Variants in ATP10D observed in about 807,000 individuals in gnomAD.
The protein encoded by ATP10D is ATPase phospholipid transporting 10D (putative), also known as phospholipid-transporting ATPase VD.
ATP10D carries 89 observed loss-of-function variants against 144.8 expected under a neutral mutation model. That is an observed-to-expected ratio of 0.61 (90% confidence interval 0.52 to 0.73). The LOEUF is 0.73. ATP10D is among the 30% of genes least tolerant of loss of function. The pLI, the probability that ATP10D is intolerant of heterozygous loss-of-function variation, is 0.00. For missense variants in ATP10D, 1,603 were observed against 1,714.8 expected, an observed-to-expected ratio of 0.93 and a Z score of 1.15; for synonymous variants, 571 against 615.1, an observed-to-expected ratio of 0.93 and a Z score of 1.06.
chr4:47,493,182 A>C (rs772204600), intron 1 of ATP10D, among the ~76,000 whole-genome samples: 14 of 152,220 alleles, frequency 9.2e-5, no homozygotes, highest in Admixed American at 2.0e-4. Flanking sequence ...TAAGAAAAGT[A>C]GTTTCACTGA....
intron 4 of ATP10D, 51 bp downstream of exon 4, chr4:47,523,267 A>C: frequency 7.0e-7 from 1 of 1,420,060 alleles, no homozygotes; most frequent in Non-Finnish European, 9.9e-7. Flanking sequence ...TTTTCAGAAG[A>C]TGACTGAGCT....
chr4:47,495,754 T>G (rs10005253), intron 1 of ATP10D, among the ~76,000 whole-genome samples: 33,801 of 149,734 alleles, frequency 0.23, 3,687 homozygotes, highest in East Asian at 0.48. Flanking sequence ...TTTTTTTTTT[T>G]GAAATGCAGT....
intron 1 of ATP10D, among the ~76,000 whole-genome samples, chr4:47,486,458 A>T: frequency 6.6e-6 from 1 of 152,264 alleles, no homozygotes; most frequent in Non-Finnish European, 1.5e-5. Context: ...ATCAACAAGG[A>T]CAGGGGCTCC....
intron 1 of ATP10D, among the ~76,000 whole-genome samples, chr4:47,487,122 G>C (rs188627226): frequency 2.6e-5 from 4 of 151,714 alleles, no homozygotes; most frequent in Non-Finnish European, 2.9e-5. Flanking sequence ...CCAGCTACTC[G>C]GGAGGCTGAG....
intron 5 of ATP10D, among the ~76,000 whole-genome samples, chr4:47,534,345 A>G (rs575154727): frequency 6.6e-6 from 1 of 152,312 alleles, no homozygotes; most frequent in East Asian, 1.9e-4. Context: ...CTGATGAAAC[A>G]AACAGAGTCT....
chr4:47,538,676 A>G (rs1717976522), intron 9 of ATP10D, among the ~76,000 whole-genome samples: 3 of 152,150 alleles, frequency 2.0e-5, no homozygotes. Flanking sequence ...TCCTATGCTT[A>G]GCTCACTGGT....
At chr4:47,586,985 A>G (rs771961877) in intron 21 of ATP10D, 34 bp from the exon 22 acceptor site, 2 of 1,599,456 alleles carry the variant, frequency 1.3e-6, no homozygotes, top group South Asian at 2.2e-5. Flanking sequence ...TCAGTGACAG[A>G]GCATTCATTT....
intron 1 of ATP10D, among the ~76,000 whole-genome samples, chr4:47,496,298 C>T (rs1213691728): frequency 1.3e-5 from 2 of 151,704 alleles, no homozygotes; most frequent in African/African-American, 4.8e-5. Flanking sequence ...GCTGGGATTA[C>T]AGGCATGGGC....
chr4:47,501,056 A>C (rs1411791530), intron 1 of ATP10D, among the ~76,000 whole-genome samples: 1 of 143,544 alleles, frequency 7.0e-6, no homozygotes, highest in Non-Finnish European at 1.5e-5. Flanking sequence ...AGAGCTTTAC[A>C]TGTGAATGTA....
Position 47,563,723 on chromosome 4 carries a change from G to A in ATP10D, c.2811G>A (p.Leu937=), listed in dbSNP as rs751470768. Residue 937 remains leucine (L), a synonymous_variant, in exon 15 of 23, where the codon CTG becomes CTA. Coordinates refer to ENST00000273859, the MANE Select transcript of ATP10D (RefSeq NM_020453.4). ...AVNIAYACKL[L]EPDDKLFILN... ...ACATAGCTTATGCATGCAAACTACT[G>A]GAGCCAGATGACAAGCTTTTTATCC... 6.2e-7 allele frequency: 1 copy of A among 1,611,650 alleles called. No homozygotes were observed.
rs771262679 is a variant in ATP10D, at chr4:47,552,325, A to G, written c.1636-2401A>G. Among the ~76,000 whole-genome samples the G allele has an allele frequency of 2.6e-5, 4 of 152,344 alleles. No individual in the cohort carries two copies. In the Middle Eastern group the frequency reaches 0.01, roughly 389 times the overall value. The stretch of plus-strand genomic sequence containing the variant: ...TCCATTCAGGCTGCCAGAACAAAAT[A>G]CCATAAACTGGGTAGCTTAGAAACA... On this transcript the variant is annotated intron_variant, in intron 10 of 22. Coordinates refer to ENST00000273859, the MANE Select transcript of ATP10D (RefSeq NM_020453.4).
chr4:47,582,157 TGAG>T, intron 21 of ATP10D, 93 bp downstream of exon 21: 1 of 1,018,272 alleles, frequency 9.8e-7, no homozygotes, highest in South Asian at 1.3e-5. Flanking sequence ...TAAGTGGTAA[TGAG>T]AAGAGTAATG....
chr4:47,520,033 G>T (rs1187063063), intron 3 of ATP10D, among the ~76,000 whole-genome samples: 1 of 152,190 alleles, frequency 6.6e-6, no homozygotes, highest in East Asian at 1.9e-4. Context: ...GAATTTGAAT[G>T]TGAAAGTGAC....
chr4:47,500,210 G>A (rs907093032), intron 1 of ATP10D, among the ~76,000 whole-genome samples: 8 of 152,178 alleles, frequency 5.3e-5, no homozygotes, highest in Admixed American at 1.3e-4. Flanking sequence ...AAATTTCTAC[G>A]CTGATGGAGG....
intron 9 of ATP10D, among the ~76,000 whole-genome samples, chr4:47,540,504 C>A (rs537790675): frequency 1.3e-5 from 2 of 152,122 alleles, no homozygotes; most frequent in South Asian, 4.2e-4. Context: ...TTTTAACAAG[C>A]CACTCCTTTA....
chr4:47,561,360 C>G (rs1719286390), intron 14 of ATP10D, among the ~76,000 whole-genome samples: 1 of 152,158 alleles, frequency 6.6e-6, no homozygotes, highest in African/African-American at 2.4e-5. Flanking sequence ...CAATAAATAT[C>G]TTGGTTCAAA....
In ATP10D at chr4:47,591,148, T is replaced by G. The variant is rs780045645; in HGVS notation, c.4048T>G (p.Trp1350Gly). ...GGAGAGGACTAAAGCTCTCAAGAAGTGGAGAGGGGCTGGAAAGATGAATCA... is the reference window on the plus strand; with the variant it reads ...GGAGAGGACTAAAGCTCTCAAGAAGGGGAGAGGGGCTGGAAAGATGAATCA... Reference protein sequence around the residue: ...PEERTKALKKWRGAGKMNQVT... With the variant: ...PEERTKALKKGRGAGKMNQVT... Residue 1350 changes from tryptophan to glycine, a missense_variant, in exon 23 of 23, where the codon TGG (tryptophan) becomes GGG (glycine). Trp to Gly is a radical substitution (Grantham distance 184). Transcript: ENST00000273859. 1 of 1,613,270 alleles carries G rather than the reference T, an allele frequency of 6.2e-7. No individual in the cohort carries two copies. Among genetic ancestry groups the G allele is most frequent in the Non-Finnish European group, 8.5e-7 (1 of 1,179,580 alleles).
chr4:47,546,740 C>T lies in ATP10D; in HGVS notation c.1513C>T (p.His505Tyr), dbSNP rs935415055. Residue 505 changes from histidine (H) to tyrosine (Y), a missense_variant, in exon 10 of 23, where the codon CAT becomes TAT. His to Tyr is a moderately conservative substitution (Grantham distance 83). Transcript: ENST00000273859. ...KPRAPSCRTVHNGPLGNKPSN... is the reference protein window; with the variant it reads ...KPRAPSCRTVYNGPLGNKPSN... ...GAGAGCCCCCAGCTGCAGGACAGTT[C>T]ATAATGGGCCTTTGGGAAATAAGCC... 16 of 1,613,950 alleles carry T rather than the reference C, an allele frequency of 9.9e-6. No homozygotes were observed. The highest frequency in any genetic ancestry group is 1.3e-5 in the Non-Finnish European group (15 of 1,179,978).
At chr4:47,549,037 T>C (rs1301376019) in intron 10 of ATP10D, among the ~76,000 whole-genome samples, 2 of 152,214 alleles carry the variant, frequency 1.3e-5, no homozygotes, top group Non-Finnish European at 2.9e-5. Flanking sequence ...CAAGTGAGGA[T>C]GCTAGGCAGG....
Sources: allele counts gnomAD v4.1 joint callset (sites outside exome capture counted in the v4.1 genomes callset), GRCh38; gene constraint gnomAD v4.1.1; transcripts MANE v1.5; gene names NCBI Gene and HGNC (gene_info 2026-07-23, HGNC 2026-07-21).